SMYD4: variants seen among roughly 807,000 people sequenced by gnomAD.
SMYD4 encodes the protein SET and MYND domain containing 4, also known as protein-lysine N-methyltransferase SMYD4.
Under a neutral mutation model 72.8 loss-of-function variants are expected in SMYD4, and 68 were observed. The observed-to-expected ratio is 0.93, with a 90% CI of 0.77 to 1.14. The LOEUF (loss-of-function observed/expected upper bound fraction) is 1.14. SMYD4 is among the 50% of genes most tolerant of loss of function. The probability of loss-of-function intolerance (pLI) is 0.00; values close to 1 mark genes in which losing one functional copy is unlikely to be tolerated. For synonymous variants in SMYD4, 407 were observed against 388.6 expected, an observed-to-expected ratio of 1.05 and a Z score of -0.56; for missense variants, 984 against 1,003.7, an observed-to-expected ratio of 0.98 and a Z score of 0.27.
Position 1,807,329 on chromosome 17 carries a change from C to CA in SMYD4, c.280-2615_280-2614insT, listed in dbSNP as rs1555578523. Among the ~76,000 whole-genome samples the CA allele has an allele frequency of 2.8e-5, 4 of 140,988 alleles. No homozygotes were observed. In the East Asian group the frequency reaches 8.3e-4, roughly 29 times the overall value. The allele number at this position is 140,988 out of a possible 152,430, so 92.5% of individuals were successfully genotyped here. A position where few individuals can be genotyped will look rare whatever the true frequency, so the allele number is the denominator to read the frequency against. ...GTAGCCATCATAAAGAATGAGGATG[C>CA]TTTTTTTTTTTTTGAGACAGAGTTT... On this transcript the variant is annotated intron_variant, in intron 3 of 10. Coordinates refer to ENST00000305513, the MANE Select transcript of SMYD4 (RefSeq NM_052928.3).
At chr17:1,782,933 A>G (rs1233960894) in intron 10 of SMYD4, 102 bp downstream of exon 10, 26 of 1,493,980 alleles carry the variant, frequency 1.7e-5, no homozygotes, top group South Asian at 1.6e-4. Flanking sequence ...GGAAATAAAG[A>G]AGTTTCAACA....
intron 2 of SMYD4, among the ~76,000 whole-genome samples, chr17:1,816,750 A>G (rs1910619597): frequency 6.6e-6 from 1 of 151,446 alleles, no homozygotes; most frequent in African/African-American, 2.4e-5. Flanking sequence ...ATCGCACACT[A>G]TGGCCTTTTT....
intron 7 of SMYD4, among the ~76,000 whole-genome samples, chr17:1,785,796 GA>G (rs939294373): frequency 7.0e-6 from 1 of 143,594 alleles, no homozygotes; most frequent in African/African-American, 2.9e-5. Flanking sequence ...AAAACTAATA[GA>G]AAAAGGTGCT....
chr17:1,790,410 G>A (rs1027024024), intron 5 of SMYD4, among the ~76,000 whole-genome samples: 3 of 152,202 alleles, frequency 2.0e-5, no homozygotes, highest in Non-Finnish European at 4.4e-5. Context: ...GTGAGAATAT[G>A]TATGTAGTTC....
chr17:1,782,169 G>C (rs1045565403), intron 10 of SMYD4: 1 of 152,054 alleles, frequency 6.6e-6, no homozygotes, highest in Admixed American at 6.6e-5. Context: ...CTTCAAAGTA[G>C]AACAGGGGAT....
chr17:1,789,696 T>C (rs62066329), intron 5 of SMYD4, among the ~76,000 whole-genome samples: 141,190 of 148,202 alleles, frequency 0.95, 67,484 homozygotes, highest in Non-Finnish European at 0.99. Flanking sequence ...AACTGGGAGG[T>C]GGAGGTTGCA....
Position 1,786,801 on chromosome 17 carries a change from G to C in SMYD4, c.1884+9C>G, listed in dbSNP as rs1411062065. 1.9e-6 allele frequency: 3 copies of C among 1,613,944 alleles called. No individual in the cohort carries two copies. The highest frequency in any genetic ancestry group is 2.7e-5 in the African/African-American group (2 of 74,936). On this transcript the variant is annotated intron_variant, in intron 7 of 10. Transcript: ENST00000305513. Reference sequence around the variant, plus strand: ...CAGGAAAAGTGGAGGAGACAGAAGAGAGAATTACCTGCATGGGCGCTCCGC... The same window carrying C: ...CAGGAAAAGTGGAGGAGACAGAAGACAGAATTACCTGCATGGGCGCTCCGC...
Position 1,821,445 on chromosome 17 carries a change from C to T in SMYD4, c.134+6416G>A, listed in dbSNP as rs543345406. Among the ~76,000 whole-genome samples, 11 of 152,068 alleles carry T rather than the reference C, an allele frequency of 7.2e-5. No homozygotes were observed. In the South Asian group the frequency reaches 1.5e-3, roughly 20 times the overall value. On this transcript the variant is annotated intron_variant, in intron 2 of 10. Transcript: ENST00000305513. ...AGGAGAATCGCTTCAACCCAGGAGG[C>T]GGAGGCTGCTGTGAGCCAAGACGGC...
chr17:1,804,575 T>C, intron 4 of SMYD4, 51 bp downstream of exon 4: 1 of 1,523,508 alleles, frequency 6.6e-7, no homozygotes, highest in Non-Finnish European at 9.1e-7. Context: ...AGTCCTCCAG[T>C]AAGAAGCCCT....
intron 4 of SMYD4, among the ~76,000 whole-genome samples, chr17:1,802,230 C>T (rs1909803915): frequency 6.6e-6 from 1 of 152,172 alleles, no homozygotes; most frequent in Admixed American, 6.6e-5. Context: ...GTGGCTCACG[C>T]CTGTAATCCC....
intron 2 of SMYD4, among the ~76,000 whole-genome samples, chr17:1,821,193 T>C (rs1157755272): frequency 1.3e-5 from 2 of 152,110 alleles, no homozygotes; most frequent in Non-Finnish European, 2.9e-5. Context: ...ATTGGTTATA[T>C]AACAGTTATC....
chr17:1,822,729 T>C lies in SMYD4; in HGVS notation c.134+5132A>G, dbSNP rs537411404. Among the ~76,000 whole-genome samples, 223 of 152,200 alleles carry C rather than the reference T, an allele frequency of 1.5e-3. 1 individual carries two copies. The highest frequency in any genetic ancestry group is 5.2e-3 in the African/African-American group (217 of 41,554). ...ATCCACCCGCCTTGGGCTCCCAACA[T>C]GCTGGGATTACAGGTGTGAGCCACT... On this transcript the variant is annotated intron_variant, in intron 2 of 10. Coordinates refer to ENST00000305513, the MANE Select transcript of SMYD4 (RefSeq NM_052928.3).
At chr17:1,809,375 ATTATTATT>A (rs1910205504) in intron 3 of SMYD4, among the ~76,000 whole-genome samples, 2 of 126,044 alleles carry the variant, frequency 1.6e-5, no homozygotes, top group Admixed American at 1.5e-4. Flanking sequence ...TGTTATTATT[ATTATTATT>A]TTTTTTTTTG....
rs1909626254 is a variant in SMYD4 at position 1,800,004 on chromosome 17, T to C, written c.1390A>G (p.Thr464Ala). 6.2e-7 allele frequency: 1 copy of C among 1,613,956 alleles called. No homozygotes were observed. Among genetic ancestry groups the C allele is most frequent in the South Asian group, 1.1e-5 (1 of 91,082 alleles). The change falls in exon 5 of 11, where the codon ACT becomes GCT. Residue 464 changes from threonine (T) to alanine (A), a missense_variant. Coordinates refer to ENST00000305513, the MANE Select transcript of SMYD4 (RefSeq NM_052928.3). ...TGAGAGGAGTTCACAATCCTCTCAGTTGGGATGGCCTGTAAACTGGCTGCT... is the reference window on the plus strand; with the variant it reads ...TGAGAGGAGTTCACAATCCTCTCAGCTGGGATGGCCTGTAAACTGGCTGCT... ...LEAASLQAIPTERIVNSSQLK... is the reference protein window; with the variant it reads ...LEAASLQAIPAERIVNSSQLK...
intron 4 of SMYD4, among the ~76,000 whole-genome samples, chr17:1,804,155 A>G (rs1039733950): frequency 6.6e-6 from 1 of 151,432 alleles, no homozygotes; most frequent in African/African-American, 2.4e-5. Context: ...GATTACAGGC[A>G]TGAGCCACTG....
intron 5 of SMYD4, among the ~76,000 whole-genome samples, chr17:1,794,105 A>ATATATATATATTTTT (rs1291818005): frequency 1.5e-4 from 2 of 12,992 alleles, no homozygotes; most frequent in Non-Finnish European, 2.8e-4. Context: ...ATATATATAT[A>ATATATATATATTTTT]TTTTTTTTTT....
At chr17:1,828,550 T>C (rs1044909806) in intron 1 of SMYD4, among the ~76,000 whole-genome samples, 1 of 150,718 alleles carries the variant, frequency 6.6e-6, no homozygotes, top group Non-Finnish European at 1.5e-5. Flanking sequence ...GTGATGGTTA[T>C]ACAAAGACGA....
intron 1 of SMYD4, 50 bp from the exon 2 acceptor site, chr17:1,828,056 A>G: frequency 1.9e-6 from 3 of 1,573,208 alleles, no homozygotes; most frequent in Non-Finnish European, 2.6e-6. Flanking sequence ...CAATTTTAGA[A>G]AATCAAGAGT....
intron 2 of SMYD4, among the ~76,000 whole-genome samples, chr17:1,820,875 T>C (rs933669152): frequency 6.6e-6 from 1 of 152,220 alleles, no homozygotes; most frequent in East Asian, 1.9e-4. Context: ...GTTCCTATTT[T>C]TACCTAACAG....
Sources: allele counts gnomAD v4.1 joint callset (sites outside exome capture counted in the v4.1 genomes callset), GRCh38; gene constraint gnomAD v4.1.1; transcripts MANE v1.5; gene names NCBI Gene and HGNC (gene_info 2026-07-23, HGNC 2026-07-21).